Variants in ASTN2 observed in about 807,000 individuals in gnomAD.
The protein encoded by ASTN2 is astrotactin-2.
A neutral mutation model predicts 139.8 loss-of-function variants in ASTN2; 54 were observed. The observed-to-expected ratio is 0.39, with a 90% CI of 0.31 to 0.48. ASTN2 has a LOEUF of 0.48. Among genes scored for constraint, ASTN2 ranks in the 20% least tolerant of loss-of-function variants. The pLI is 0.95. For synonymous variants in ASTN2, 756 were observed against 719.5 expected (o/e 1.05, Z -0.81); for missense variants, 1,565 against 1,725.1 (o/e 0.91, Z 1.64).
chr9:117,355,192 G>C (rs1282272581), intron 1 of ASTN2, among the ~76,000 whole-genome samples: 1 of 152,110 alleles, frequency 6.6e-6, no homozygotes, highest in Non-Finnish European at 1.5e-5. Flanking sequence ...ATAGTGAATA[G>C]TCAGCAAATT....
Position 116,651,754 on chromosome 9 carries a change from A to G in ASTN2, c.2846T>C (p.Met949Thr). The change falls in exon 17 of 23, where the codon ATG (methionine) becomes ACG (threonine). Residue 949 changes from methionine (M) to threonine (T), a missense_variant. Around this residue, in one of 4 missense-constraint regions of ASTN2, gnomAD observed 48 missense variants for 90.7 expected, o/e 0.53. Transcript: ENST00000313400. ...ACCTGAGAGGTAGGTGATGAAGGGC[A>G]TGGACTTGAGCTCCTTCTTGCTGCC... is the stretch of plus-strand genomic sequence containing the variant. ...ELGSKKELKS[M>T]PFITYLSGLL... The G allele has an allele frequency of 1.2e-6, 2 of 1,614,190 alleles. No homozygotes were observed. Among genetic ancestry groups the G allele is most frequent in the Non-Finnish European group, 1.7e-6 (2 of 1,180,036 alleles).
chr9:116,690,964 G>A (rs1860535872), intron 16 of ASTN2, among the ~76,000 whole-genome samples: 1 of 152,228 alleles, frequency 6.6e-6, no homozygotes, highest in Non-Finnish European at 1.5e-5. Context: ...GTGTCACCCA[G>A]GCTGGAGTGC....
intron 20 of ASTN2, among the ~76,000 whole-genome samples, chr9:116,463,950 G>A (rs1325826592): frequency 2.6e-5 from 3 of 116,250 alleles, no homozygotes; most frequent in Non-Finnish European, 5.2e-5. Context: ...GTTTCATTAT[G>A]TTGTCCAGGC....
chr9:117,012,506 A>G (rs1837565197), intron 6 of ASTN2, among the ~76,000 whole-genome samples: 1 of 152,222 alleles, frequency 6.6e-6, no homozygotes, highest in African/African-American at 2.4e-5. Context: ...GGCTTAATCC[A>G]TTGAGAAAGT....
chr9:116,930,616 G>A (rs113286513), intron 10 of ASTN2, among the ~76,000 whole-genome samples: 2 of 152,250 alleles, frequency 1.3e-5, no homozygotes, highest in African/African-American at 4.8e-5. Context: ...AAGAGGGGAT[G>A]GCATCAAAGA....
In ASTN2 at chr9:116,698,094, G is replaced by T. The variant is rs1257201729; in HGVS notation, c.2806+27677C>A. On this transcript the variant is annotated intron_variant, in intron 16 of 22. Coordinates refer to ENST00000313400, the MANE Select transcript of ASTN2 (RefSeq NM_001365068.1). This position sits in a 1 kb window ranked among gnomAD's most constrained non-coding sequence, Gnocchi z 4.4. ...GCAATTCTGCCGGAGCTGTGGTTTG[G>T]TGTTATGTGAGCCCTGCCGGGAGGC... The T allele has an allele frequency of 1.9e-6, 3 of 1,614,018 alleles. No individual in the cohort carries two copies. Among genetic ancestry groups the T allele is most frequent in the Admixed American group, 1.7e-5 (1 of 60,014 alleles).
chr9:117,120,019 T>TGTAC (rs1491216665), intron 4 of ASTN2, among the ~76,000 whole-genome samples: 1 of 12,140 alleles, frequency 8.2e-5, no homozygotes, highest in East Asian at 2.7e-3. Context: ...TGTGTGTGTG[T>TGTAC]ATATATATAT....
chr9:117,033,420 G>A (rs1838302296), intron 6 of ASTN2, among the ~76,000 whole-genome samples: 1 of 151,384 alleles, frequency 6.6e-6, no homozygotes, highest in Non-Finnish European at 1.5e-5. Flanking sequence ...AGCTTTATGA[G>A]CATTATTTCA....
intron 10 of ASTN2, among the ~76,000 whole-genome samples, chr9:116,873,509 T>C (rs1833217655): frequency 6.8e-6 from 1 of 147,500 alleles, no homozygotes; most frequent in African/African-American, 2.5e-5. Context: ...GTGTACAATA[T>C]CATGGTGATA....
intron 13 of ASTN2, among the ~76,000 whole-genome samples, chr9:116,759,029 G>A (rs1250920731): frequency 4.6e-5 from 7 of 152,032 alleles, no homozygotes; most frequent in Non-Finnish European, 7.4e-5. Flanking sequence ...GAAGCGTACC[G>A]CCATGCCCTG....
chr9:117,053,418 C>T (rs1323456648), intron 5 of ASTN2, among the ~76,000 whole-genome samples: 1 of 152,002 alleles, frequency 6.6e-6, no homozygotes, highest in Non-Finnish European at 1.5e-5. Context: ...TGCCACTGTA[C>T]TCCAGCCTGG....
chr9:116,853,068 A>T (rs941762251), intron 11 of ASTN2, among the ~76,000 whole-genome samples: 1 of 152,210 alleles, frequency 6.6e-6, no homozygotes, highest in East Asian at 1.9e-4. Flanking sequence ...TTAAAATTAC[A>T]TATATAAATT....
At chr9:116,908,185 C>T (rs908370580) in intron 10 of ASTN2, among the ~76,000 whole-genome samples, 4 of 152,098 alleles carry the variant, frequency 2.6e-5, no homozygotes, top group African/African-American at 7.2e-5. Flanking sequence ...TTTGAGTCAA[C>T]ATTTTCAGAA....
At chr9:117,358,551 C>A (rs1313067360) in intron 1 of ASTN2, among the ~76,000 whole-genome samples, 5 of 152,114 alleles carry the variant, frequency 3.3e-5, no homozygotes, top group African/African-American at 4.8e-5. Context: ...GTCTTTACAT[C>A]ACCCTGGGCA....
chr9:117,102,056 G>T (rs1037640138), intron 4 of ASTN2, among the ~76,000 whole-genome samples: 5 of 152,152 alleles, frequency 3.3e-5, no homozygotes, highest in African/African-American at 1.2e-4. Flanking sequence ...CAAAACTGAA[G>T]ATAGGGCATT....
chr9:116,924,122 C>A (rs1328947884), intron 10 of ASTN2, among the ~76,000 whole-genome samples: 1 of 151,980 alleles, frequency 6.6e-6, no homozygotes, highest in Admixed American at 6.6e-5. Context: ...AAAATGGCTA[C>A]TCCAGGCTAG....
intron 13 of ASTN2, among the ~76,000 whole-genome samples, chr9:116,747,708 C>T (rs1829284252): frequency 6.6e-6 from 1 of 150,624 alleles, no homozygotes; most frequent in African/African-American, 2.4e-5. Flanking sequence ...CACACACACA[C>T]ACACACACAC....
At chr9:116,897,119 C>T (rs3903958) in intron 10 of ASTN2, among the ~76,000 whole-genome samples, 2,227 of 152,294 alleles carry the variant, frequency 0.015, 25 homozygotes, top group Non-Finnish European at 0.023. Context: ...TGCCCACCTG[C>T]TCCCAAAAAA....
At chr9:116,845,460 T>C (rs557273681) in intron 11 of ASTN2, among the ~76,000 whole-genome samples, 2 of 152,218 alleles carry the variant, frequency 1.3e-5, no homozygotes, top group Non-Finnish European at 2.9e-5. Flanking sequence ...TCTAGACCAA[T>C]GGTAGAGATC....
Sources: gnomAD v4.1 joint callset for allele counts (sites outside exome capture counted in the v4.1 genomes callset) on GRCh38, gnomAD v4.1.1 for gene constraint, gnomAD v4.1.1 regional missense constraint, Gnocchi (gnomAD v3.1) non-coding constraint, MANE v1.5 for transcripts, NCBI Gene and HGNC (gene_info 2026-07-23, HGNC 2026-07-21) for gene names.